NAALADL2: variants seen among roughly 807,000 people sequenced by gnomAD.
NAALADL2 encodes the protein inactive N-acetylated-alpha-linked acidic dipeptidase-like protein 2.
A neutral mutation model predicts 87.2 loss-of-function variants in NAALADL2; 76 were observed. That is an observed-to-expected ratio of 0.87 (90% confidence interval 0.72 to 1.05). The LOEUF is 1.05. NAALADL2 is among the 50% of genes least tolerant of loss of function. NAALADL2 has a pLI of 0.00. For synonymous variants in NAALADL2, 354 were observed against 331.0 expected (o/e 1.07, Z -0.75); for missense variants, 1,089 against 945.8 (o/e 1.15, Z -1.99).
At chr3:175,047,174 TCAA>T (rs1754788394) in intron 1 of NAALADL2, among the ~76,000 whole-genome samples, 1 of 152,162 alleles carries the variant, frequency 6.6e-6, no homozygotes, top group Admixed American at 6.6e-5. Context: ...GGTTTGAATT[TCAA>T]CATTTGAATT....
At chr3:175,084,132 T>C (rs1718409352) in intron 1 of NAALADL2, among the ~76,000 whole-genome samples, 1 of 152,218 alleles carries the variant, frequency 6.6e-6, no homozygotes. Flanking sequence ...AGTGATGTGA[T>C]CAGGTGTGTG....
chr3:175,509,762 A>G (rs1730872540), intron 9 of NAALADL2, among the ~76,000 whole-genome samples: 1 of 152,208 alleles, frequency 6.6e-6, no homozygotes, highest in Admixed American at 6.5e-5. Flanking sequence ...TAATTGACCC[A>G]GAGTGGCGCA....
chr3:174,567,409 AT>A lies in NAALADL2; in HGVS notation c.-115+16779del, dbSNP rs552866904. On this transcript the variant is annotated intron_variant, in intron 2 of 3. Transcript: ENST00000434257. ...AAAATAAACAAATTTTTTCAATATA[AT>A]TTTTTTCAATTATATCTAAACATTA... Among the ~76,000 whole-genome samples the A allele has an allele frequency of 6.6e-5, 10 of 151,538 alleles. No homozygotes were observed. In the East Asian group the frequency reaches 1.9e-3, roughly 29 times the overall value.
intron 11 of NAALADL2, among the ~76,000 whole-genome samples, chr3:175,697,509 T>C (rs1275407288): frequency 6.6e-6 from 1 of 151,656 alleles, no homozygotes; most frequent in Non-Finnish European, 1.5e-5. Flanking sequence ...GGGATAACTC[T>C]GACAAAACCC....
intron 5 of NAALADL2, among the ~76,000 whole-genome samples, chr3:175,355,449 T>C (rs1581555041): frequency 6.6e-6 from 1 of 152,280 alleles, no homozygotes; most frequent in Non-Finnish European, 1.5e-5. Context: ...CCTGATATTG[T>C]AGGCACTGTG....
chr3:174,456,854 C>CA (rs1310203977), intron 1 of NAALADL2, among the ~76,000 whole-genome samples: 1 of 151,606 alleles, frequency 6.6e-6, no homozygotes, highest in African/African-American at 2.4e-5. Flanking sequence ...GCAGCAAAAG[C>CA]AAAAAAGTGA....
At chr3:175,591,782 GTGTATA>G (rs1359775787) in intron 10 of NAALADL2, among the ~76,000 whole-genome samples, 29 of 20,500 alleles carry the variant, frequency 1.4e-3, no homozygotes, top group African/African-American at 3.3e-3. Flanking sequence ...GTGTGTGTGT[GTGTATA>G]TATATATATA....
chr3:175,298,830 A>G (rs1186190401), intron 4 of NAALADL2, among the ~76,000 whole-genome samples: 1 of 152,172 alleles, frequency 6.6e-6, no homozygotes, highest in Non-Finnish European at 1.5e-5. Context: ...CTTCTGTGAA[A>G]TACGTTATAC....
chr3:175,013,649 C>G (rs1013620741), intron 1 of NAALADL2, among the ~76,000 whole-genome samples: 3 of 151,946 alleles, frequency 2.0e-5, no homozygotes, highest in East Asian at 1.9e-4. Flanking sequence ...CTTATGATAG[C>G]TCTCTTGATT....
At chr3:175,424,079 T>A (rs1266213460) in intron 5 of NAALADL2, among the ~76,000 whole-genome samples, 1 of 152,218 alleles carries the variant, frequency 6.6e-6, no homozygotes, top group Non-Finnish European at 1.5e-5. Flanking sequence ...GAGAAGTGTC[T>A]GTTCATATCC....
chr3:174,764,931 A>G (rs1165100058), intron 3 of NAALADL2, among the ~76,000 whole-genome samples: 1 of 152,196 alleles, frequency 6.6e-6, no homozygotes, highest in Non-Finnish European at 1.5e-5. Flanking sequence ...AATCTGAAGC[A>G]ATTAGAGACA....
At chr3:174,573,501 A>C (rs1223708334) in intron 2 of NAALADL2, among the ~76,000 whole-genome samples, 1 of 152,156 alleles carries the variant, frequency 6.6e-6, no homozygotes, top group African/African-American at 2.4e-5. Context: ...CTGTAAAGGA[A>C]TATCTAAGGC....
intron 1 of NAALADL2, among the ~76,000 whole-genome samples, chr3:174,943,480 G>A (rs1738925229): frequency 6.6e-6 from 1 of 152,094 alleles, no homozygotes; most frequent in Non-Finnish European, 1.5e-5. Context: ...TTGAATGCTG[G>A]CTGTGAATCA....
At chr3:174,639,079 G>A (rs1257660887) in intron 2 of NAALADL2, among the ~76,000 whole-genome samples, 2 of 152,106 alleles carry the variant, frequency 1.3e-5, no homozygotes, top group South Asian at 2.1e-4. Context: ...CTCCCTCTGG[G>A]TAATGAGTTC....
chr3:175,695,320 A>G (rs1404382065), intron 11 of NAALADL2, among the ~76,000 whole-genome samples: 1 of 152,052 alleles, frequency 6.6e-6, no homozygotes, highest in African/African-American at 2.4e-5. Flanking sequence ...TAATGTTCAT[A>G]GTGAAGTTTA....
rs13059219 is a variant in NAALADL2, at chr3:175,347,713, A to G, written c.1090+23388A>G. Among the ~76,000 whole-genome samples the G allele has an allele frequency of 5.3e-5, 8 of 152,280 alleles. No homozygotes were observed. The East Asian group carries it at 1.2e-3, about 22-fold the overall frequency. On this transcript the variant is annotated intron_variant, in intron 5 of 13. Coordinates refer to ENST00000454872, the MANE Select transcript of NAALADL2 (RefSeq NM_207015.3). ...CACAGAACAAACACAGCAAGAATTG[A>G]TGACTTAGACAATACCGATTTCTTT...
intron 1 of NAALADL2, among the ~76,000 whole-genome samples, chr3:175,082,157 T>G (rs1409025595): frequency 6.6e-6 from 1 of 152,194 alleles, no homozygotes; most frequent in Non-Finnish European, 1.5e-5. Flanking sequence ...TGGGGATTCA[T>G]ACCCATTTCT....
chr3:175,012,967 G>GTGTATATATA (rs1553916621), intron 1 of NAALADL2, among the ~76,000 whole-genome samples: 2 of 126,992 alleles, frequency 1.6e-5, no homozygotes, highest in African/African-American at 6.8e-5. Flanking sequence ...AGATGTGTGT[G>GTGTATATATA]TATATATATA....
At chr3:174,989,635 A>G (rs1293099763) in intron 1 of NAALADL2, among the ~76,000 whole-genome samples, 1 of 152,190 alleles carries the variant, frequency 6.6e-6, no homozygotes, top group Non-Finnish European at 1.5e-5. Flanking sequence ...AATATGGACT[A>G]AAGGAAAGAA....
Sources: allele counts gnomAD v4.1 joint callset (sites outside exome capture counted in the v4.1 genomes callset), GRCh38; gene constraint gnomAD v4.1.1; transcripts MANE v1.5; gene names NCBI Gene and HGNC (gene_info 2026-07-23, HGNC 2026-07-21).